Variants in NR5A2 observed in about 807,000 individuals in gnomAD.
The protein encoded by NR5A2 is nuclear receptor subfamily 5 group A member 2, also known as CYP7A promoter-binding factor.
NR5A2 carries 26 observed loss-of-function variants against 62.7 expected under a neutral mutation model. That is an observed-to-expected ratio of 0.41 (90% confidence interval 0.30 to 0.58). NR5A2 has a LOEUF of 0.58. Ranked by LOEUF, NR5A2 falls within the 20% of genes least tolerant of loss-of-function variation. The pLI, the probability that NR5A2 is intolerant of heterozygous loss-of-function variation, is 0.22. For synonymous variants in NR5A2, 246 were observed against 241.7 expected (o/e 1.02, Z -0.16); for missense variants, 541 against 669.1 (o/e 0.81, Z 2.11).
intron 5 of NR5A2, among the ~76,000 whole-genome samples, chr1:200,098,168 C>A (rs1252770832): frequency 6.6e-6 from 1 of 152,186 alleles, no homozygotes; most frequent in Non-Finnish European, 1.5e-5. Flanking sequence ...GGGCCACTGA[C>A]AACTTCACCT....
chr1:200,051,191 ATAAT>A lies in NR5A2; in HGVS notation c.1110+2376_1110+2379del, dbSNP rs766261812. On this transcript the variant is annotated intron_variant, in intron 5 of 7. Coordinates refer to ENST00000367362, the MANE Select transcript of NR5A2 (RefSeq NM_205860.3). ...AGTTTATAATAAGACAGTTTCATAA[ATAAT>A]TATTTTAAAAAATAAAGACAGCCGC... Among the ~76,000 whole-genome samples the A allele has an allele frequency of 8.0e-4, 122 of 152,344 alleles. 1 individual carries two copies. Among genetic ancestry groups the A allele is most frequent in the Middle Eastern group, 3.4e-3 (1 of 294 alleles).
intron 7 of NR5A2, among the ~76,000 whole-genome samples, chr1:200,140,949 T>C (rs1667418069): frequency 6.6e-6 from 1 of 152,194 alleles, no homozygotes; most frequent in Middle Eastern, 3.2e-3. Flanking sequence ...GAGAATTGCT[T>C]GAACCTGGGA....
intron 5 of NR5A2, among the ~76,000 whole-genome samples, chr1:200,062,405 C>T (rs2821383): frequency 0.48 from 72,398 of 152,064 alleles, 20,960 homozygotes; most frequent in African/African-American, 0.82. Context: ...AATGCTTCTT[C>T]ACCACACATC....
chr1:200,169,758 T>C (rs994310600), intron 7 of NR5A2, among the ~76,000 whole-genome samples: 10 of 152,190 alleles, frequency 6.6e-5, no homozygotes, highest in African/African-American at 2.4e-4. Flanking sequence ...AGAGAAAGGG[T>C]TGGGGATGCC....
intron 1 of NR5A2, chr1:200,029,860 G>A (rs1381775148): frequency 6.6e-6 from 1 of 152,230 alleles, no homozygotes; most frequent in Non-Finnish European, 1.5e-5. Flanking sequence ...ACATCTTAGT[G>A]ACCCTGAGGC....
At chr1:200,121,004 A>T (rs143367483) in intron 7 of NR5A2, 49 bp downstream of exon 7, 11 of 1,598,002 alleles carry the variant, frequency 6.9e-6, no homozygotes, top group African/African-American at 5.4e-5. Context: ...TTGCTAAATG[A>T]TGTTGAAGTT....
At chr1:200,159,360 C>CCCCT (rs1571573230) in intron 7 of NR5A2, among the ~76,000 whole-genome samples, 2 of 152,168 alleles carry the variant, frequency 1.3e-5, no homozygotes, top group African/African-American at 4.8e-5. Flanking sequence ...TCTAATCCTA[C>CCCCT]CCCTCCACAG....
rs1310631401 is a variant in NR5A2 at position 200,147,505 on chromosome 1, TA to T, written c.1379-26454del. The T allele has an allele frequency of 6.2e-6, 4 of 646,692 alleles. No individual in the cohort carries two copies. The highest frequency in any genetic ancestry group is 1.2e-5 in the Non-Finnish European group (4 of 336,646). 40.1% of individuals were successfully genotyped at this position (646,692 alleles called of 1,614,324 possible). A position where few individuals can be genotyped will look rare whatever the true frequency, so the allele number is the denominator to read the frequency against. ...ACAATTTGATCTGTTTCTTCATCCTTAAAATTTCTGCTGCTTTTGCTGTTTC... is the reference window on the plus strand; with the variant it reads ...ACAATTTGATCTGTTTCTTCATCCTTAAATTTCTGCTGCTTTTGCTGTTTC... On this transcript the variant is annotated intron_variant, in intron 7 of 7. Transcript: ENST00000367362. The surrounding 1 kb of genome is among the most constrained non-coding windows in gnomAD (Gnocchi z 4.9).
chr1:200,134,610 C>G (rs1227838323), intron 7 of NR5A2, among the ~76,000 whole-genome samples: 1 of 152,122 alleles, frequency 6.6e-6, no homozygotes, highest in Admixed American at 6.6e-5. Flanking sequence ...AGAATGTATC[C>G]TTGTCATTAA....
intron 2 of NR5A2, 132 bp from the exon 3 acceptor site, chr1:200,043,642 T>C (rs1482927836): frequency 7.1e-6 from 4 of 563,480 alleles, no homozygotes; most frequent in Non-Finnish European, 1.2e-5. Context: ...AAGACCTTGC[T>C]AAAAATTGTT....
chr1:200,126,952 A>G (rs1365274605), intron 7 of NR5A2, among the ~76,000 whole-genome samples: 3 of 152,228 alleles, frequency 2.0e-5, no homozygotes, highest in African/African-American at 7.2e-5. Context: ...ACAGTGTCAA[A>G]CACCAAAATG....
At chr1:200,167,993 C>G (rs1653985841) in intron 7 of NR5A2, among the ~76,000 whole-genome samples, 1 of 152,052 alleles carries the variant, frequency 6.6e-6, no homozygotes, top group Non-Finnish European at 1.5e-5. Context: ...GAGACTGTGC[C>G]TTTTATTTCC....
chr1:200,149,427 T>C (rs1201863021), intron 7 of NR5A2, among the ~76,000 whole-genome samples: 1 of 152,224 alleles, frequency 6.6e-6, no homozygotes, highest in African/African-American at 2.4e-5. Context: ...GTCCTGGGAT[T>C]ACTTGACTGC....
intron 5 of NR5A2, among the ~76,000 whole-genome samples, chr1:200,097,053 A>G (rs1665135522): frequency 6.6e-6 from 1 of 152,228 alleles, no homozygotes; most frequent in Non-Finnish European, 1.5e-5. Flanking sequence ...GAATACCTCT[A>G]GAAACACAAT....
chr1:200,085,727 G>A (rs183912806), intron 5 of NR5A2, among the ~76,000 whole-genome samples: 1 of 151,608 alleles, frequency 6.6e-6, no homozygotes, highest in South Asian at 2.1e-4. Flanking sequence ...GGATACACAT[G>A]TACAAAACTG....
At chr1:200,087,408 T>C (rs1280317418) in intron 5 of NR5A2, among the ~76,000 whole-genome samples, 1 of 152,200 alleles carries the variant, frequency 6.6e-6, no homozygotes, top group Non-Finnish European at 1.5e-5. Context: ...TTTCCCTTTT[T>C]TTTTGAGACG....
At chr1:200,106,061 C>CCTCTGTTTTTTTTTTTTTTT (rs373033375) in intron 5 of NR5A2, among the ~76,000 whole-genome samples, 1 of 115,060 alleles carries the variant, frequency 8.7e-6, no homozygotes, top group Non-Finnish European at 1.9e-5. Context: ...CAGATTCACT[C>CCTCTGTTTTTTTTTTTTTTT]TTCTTTTTTT....
chr1:200,132,800 AC>A (rs3838436), intron 7 of NR5A2, among the ~76,000 whole-genome samples: 79,191 of 151,794 alleles, frequency 0.52, 20,781 homozygotes, highest in East Asian at 0.69. Context: ...GCATGGGATC[AC>A]CTCCAGGAGC....
intron 5 of NR5A2, among the ~76,000 whole-genome samples, chr1:200,100,400 C>T (rs2102272228): frequency 6.6e-6 from 1 of 152,142 alleles, no homozygotes; most frequent in African/African-American, 2.4e-5. Flanking sequence ...AATAGGGTGT[C>T]TGTTAAGTTT....
Sources: gnomAD v4.1 joint callset for allele counts (sites outside exome capture counted in the v4.1 genomes callset) on GRCh38, gnomAD v4.1.1 for gene constraint, Gnocchi (gnomAD v3.1) non-coding constraint, MANE v1.5 for transcripts, NCBI Gene and HGNC (gene_info 2026-07-23, HGNC 2026-07-21) for gene names.